DDAH1: variants seen among roughly 807,000 people sequenced by gnomAD.
DDAH1 encodes the protein N(G),N(G)-dimethylarginine dimethylaminohydrolase 1.
DDAH1 carries 19 observed loss-of-function variants against 28.8 expected under a neutral mutation model. The observed-to-expected ratio is 0.66, with a 90% CI of 0.46 to 0.97. The LOEUF (loss-of-function observed/expected upper bound fraction) is 0.97. DDAH1 is among the 50% of genes least tolerant of loss of function. DDAH1 has a pLI of 0.00. For synonymous variants in DDAH1, 153 were observed against 154.4 expected (o/e 0.99, Z 0.07); for missense variants, 326 against 375.9 (o/e 0.87, Z 1.10).
intron 1 of DDAH1, among the ~76,000 whole-genome samples, chr1:85,512,477 A>G (rs1048785180): frequency 6.6e-6 from 1 of 152,198 alleles, no homozygotes; most frequent in African/African-American, 2.4e-5. Context: ...CCTATTCAAC[A>G]TAGTGTTGGA....
chr1:85,453,028 T>C (rs1434320939), intron 1 of DDAH1, among the ~76,000 whole-genome samples: 1 of 152,172 alleles, frequency 6.6e-6, no homozygotes, highest in East Asian at 1.9e-4. Context: ...CAAGTGATAG[T>C]AGCTGTTACA....
At chr1:85,357,409 G>A (rs186970859) in intron 2 of DDAH1, among the ~76,000 whole-genome samples, 120 of 152,264 alleles carry the variant, frequency 7.9e-4, no homozygotes, top group Non-Finnish European at 1.4e-3. Flanking sequence ...CACCCATAGC[G>A]ACAGTATGTG....
chr1:85,528,576 G>T (rs547332154), intron 1 of DDAH1, among the ~76,000 whole-genome samples: 6 of 151,734 alleles, frequency 4.0e-5, no homozygotes, highest in Non-Finnish European at 1.5e-5. Flanking sequence ...TAAAGAGGAA[G>T]ACAGACATGC....
Position 85,464,497 on chromosome 1 carries a change from T to A in DDAH1, c.303+246A>T. ...AGACGGAATCCCCCGCCCACCCACC[T>A]GCCCGAGACCGTACAACCACATTGA... On this transcript the variant is annotated intron_variant, in intron 1 of 5. Transcript: ENST00000284031. The surrounding 1 kb of genome is among the most constrained non-coding windows in gnomAD (Gnocchi z 4.4). 10 of 1,447,156 alleles carry A rather than the reference T, an allele frequency of 6.9e-6. No homozygotes were observed. Among genetic ancestry groups the A allele is most frequent in the East Asian group, 2.9e-5 (1 of 34,510 alleles). The allele number at this position is 1,447,156 out of a possible 1,614,324, so 89.6% of individuals were successfully genotyped here.
At chr1:85,489,148 G>A (rs983984819) in intron 2 of DDAH1, among the ~76,000 whole-genome samples, 2 of 152,138 alleles carry the variant, frequency 1.3e-5, no homozygotes, top group Non-Finnish European at 2.9e-5. Flanking sequence ...TGGTCTTTGT[G>A]AATAAAGTTA....
chr1:85,336,753 G>GA (rs1268803801), intron 4 of DDAH1, among the ~76,000 whole-genome samples: 5 of 150,524 alleles, frequency 3.3e-5, no homozygotes, highest in Non-Finnish European at 7.4e-5. Context: ...GTTTTTTTTT[G>GA]AAAAAATAAA....
At position 85,319,315 on chromosome 1, in the gene DDAH1, A is replaced by T. The variant is rs1342841275; in HGVS notation, c.*2137T>A. On this transcript the variant is annotated 3_prime_UTR_variant, in exon 6 of 6. Coordinates refer to ENST00000284031, the MANE Select transcript of DDAH1 (RefSeq NM_012137.4). The stretch of plus-strand genomic sequence containing the variant: ...AAGGAAAGACAGAAAGAAGCAAAAG[A>T]AAGGAAAAGTGAAAAACAGCCTTCT... 1 of 152,236 alleles carries T rather than the reference A, an allele frequency of 6.6e-6. No homozygotes were observed. The highest frequency in any genetic ancestry group is 2.4e-5 in the African/African-American group (1 of 41,462). 9.4% of individuals were successfully genotyped at this position (152,236 alleles called of 1,614,324 possible). A position where few individuals can be genotyped will look rare whatever the true frequency, so the allele number is the denominator to read the frequency against.
chr1:85,345,054 A>AT (rs1648759512), intron 4 of DDAH1, among the ~76,000 whole-genome samples: 2 of 152,206 alleles, frequency 1.3e-5, no homozygotes, highest in African/African-American at 2.4e-5. Context: ...ACAAAGTGTA[A>AT]TATATAAAGT....
At chr1:85,369,087 G>T (rs1239272653) in intron 1 of DDAH1, among the ~76,000 whole-genome samples, 5 of 138,440 alleles carry the variant, frequency 3.6e-5, no homozygotes, top group Non-Finnish European at 6.1e-5. Flanking sequence ...TTGAGACAGG[G>T]TCTCACTCTG....
At chr1:85,484,662 G>T (rs1452149375) in intron 2 of DDAH1, among the ~76,000 whole-genome samples, 1 of 152,212 alleles carries the variant, frequency 6.6e-6, no homozygotes, top group East Asian at 1.9e-4. Context: ...TCTACAAACA[G>T]TGCAATTGAT....
chr1:85,457,211 A>G (rs1454424003), intron 1 of DDAH1, among the ~76,000 whole-genome samples: 1 of 152,150 alleles, frequency 6.6e-6, no homozygotes, highest in African/African-American at 2.4e-5. Flanking sequence ...TCTCAACATT[A>G]ATAAAATTAA....
intron 5 of DDAH1, 135 bp downstream of exon 5, chr1:85,324,605 A>C: frequency 9.9e-7 from 1 of 1,014,752 alleles, no homozygotes; most frequent in Non-Finnish European, 1.4e-6. Context: ...TTGTGCCCTA[A>C]ATTGTATTAT....
intron 2 of DDAH1, chr1:85,488,278 T>A (rs1428476448): frequency 6.6e-6 from 1 of 152,118 alleles, no homozygotes; most frequent in Non-Finnish European, 1.5e-5. Flanking sequence ...ACAATGGAAA[T>A]TAATTTTCTT....
Position 85,561,364 on chromosome 1 carries a change from G to C in DDAH1, c.-123+16620C>G, listed in dbSNP as rs1659136004. ...TGGCTAGAGGACTGAGATCCAAAGA[G>C]ATAAAAAATACAGATGTTGTAAAAA... On this transcript the variant is annotated intron_variant, in intron 1 of 6. Transcript: ENST00000426972. 2.6e-5 allele frequency among the ~76,000 whole-genome samples: 4 copies of C among 151,936 alleles called. No homozygotes were observed. In the South Asian group the frequency reaches 6.2e-4, roughly 24 times the overall value.
At chr1:85,402,356 T>C (rs891082978) in intron 1 of DDAH1, among the ~76,000 whole-genome samples, 2 of 151,998 alleles carry the variant, frequency 1.3e-5, no homozygotes, top group African/African-American at 4.8e-5. Context: ...CTAGCCAGGG[T>C]CTAAGTGTGA....
chr1:85,525,492 G>A (rs1657833108), intron 1 of DDAH1, among the ~76,000 whole-genome samples: 1 of 151,852 alleles, frequency 6.6e-6, no homozygotes, highest in Non-Finnish European at 1.5e-5. Context: ...TCAGGGAATT[G>A]CTGTATGATT....
intron 1 of DDAH1, among the ~76,000 whole-genome samples, chr1:85,364,732 C>T (rs766419321): frequency 1.3e-5 from 2 of 151,934 alleles, no homozygotes; most frequent in South Asian, 2.1e-4. Flanking sequence ...TTAGTAGAGA[C>T]GGGGTTTCAC....
intron 1 of DDAH1, among the ~76,000 whole-genome samples, chr1:85,438,578 A>G (rs1459490155): frequency 6.6e-6 from 1 of 152,210 alleles, no homozygotes; most frequent in East Asian, 1.9e-4. Flanking sequence ...GGTCAACTGT[A>G]TTCTAGTCCT....
chr1:85,438,446 A>G (rs1654038059), intron 1 of DDAH1, among the ~76,000 whole-genome samples: 1 of 152,224 alleles, frequency 6.6e-6, no homozygotes, highest in African/African-American at 2.4e-5. Flanking sequence ...TTTAAAATCT[A>G]TTTGCCATCT....
Sources: allele counts gnomAD v4.1 joint callset (sites outside exome capture counted in the v4.1 genomes callset), GRCh38; gene constraint gnomAD v4.1.1; non-coding constraint Gnocchi (gnomAD v3.1); transcripts MANE v1.5; gene names NCBI Gene and HGNC (gene_info 2026-07-23, HGNC 2026-07-21).